DRAXIN: variants seen among roughly 807,000 people sequenced by gnomAD.
The protein encoded by DRAXIN is dorsal inhibitory axon guidance protein, also known as dorsal repulsive axon guidance protein.
In DRAXIN, 27 loss-of-function variants were observed where a neutral mutation model predicts 33.9. The observed-to-expected ratio is 0.80, with a 90% confidence interval of 0.59 to 1.10. DRAXIN has a LOEUF of 1.10. Ranked by LOEUF, DRAXIN falls within the 50% of genes least tolerant of loss-of-function variation. The pLI is 0.00. For missense variants in DRAXIN, 371 were observed against 460.8 expected (o/e 0.81, Z 1.78); for synonymous variants, 178 against 194.0 (o/e 0.92, Z 0.69).
chr1:11,699,501 A>T lies in DRAXIN; in HGVS notation c.-10-6748A>T, dbSNP rs569362125. ...ACTTATTTTAATTTTTGTTAAAAAA[A>T]TTTTTTTTTAGAGACAGGGACTTAC... On this transcript the variant is annotated intron_variant, in intron 1 of 6. Transcript: ENST00000294485. Among the ~76,000 whole-genome samples the T allele has an allele frequency of 3.8e-4, 58 of 151,672 alleles. 2 individuals are homozygous for T. The highest frequency in any genetic ancestry group is 9.9e-4 in the African/African-American group (41 of 41,332).
In DRAXIN at chr1:11,725,817, TGCTCTTGA is replaced by T. The variant is rs568923636; in HGVS notation, c.*6125_*6132del. The T allele has an allele frequency of 1.2e-4, 19 of 152,334 alleles. No homozygotes were observed. In the East Asian group the frequency reaches 3.7e-3, roughly 29 times the overall value. 9.4% of individuals were successfully genotyped at this position (152,334 alleles called of 1,614,324 possible). ...TAGTTTCATGATGTCATGTTGCATGTGCTCTTGAGCTGTAAATAAAGAGACGATGGTTA... is the reference window on the plus strand; with the variant it reads ...TAGTTTCATGATGTCATGTTGCATGTGCTGTAAATAAAGAGACGATGGTTA... On this transcript the variant is annotated 3_prime_UTR_variant, in exon 7 of 7. Transcript: ENST00000294485.
intron 1 of DRAXIN, among the ~76,000 whole-genome samples, chr1:11,701,675 C>T (rs1276938765): frequency 6.6e-6 from 1 of 152,182 alleles, no homozygotes; most frequent in African/African-American, 2.4e-5. Context: ...GAGGAGCAGA[C>T]CCTGGGCCAG....
chr1:11,703,729 C>T (rs1641336582), intron 1 of DRAXIN, among the ~76,000 whole-genome samples: 1 of 152,138 alleles, frequency 6.6e-6, no homozygotes, highest in Non-Finnish European at 1.5e-5. Flanking sequence ...CTTCCTCTGT[C>T]CCAGGCTGGC....
intron 5 of DRAXIN, 69 bp downstream of exon 5, chr1:11,712,498 G>T: frequency 6.7e-7 from 1 of 1,490,192 alleles, no homozygotes; most frequent in Non-Finnish European, 9.4e-7. Context: ...GGGAGTGGGG[G>T]TTCCCACATG....
rs746758417 is a variant in DRAXIN at position 11,706,884 on chromosome 1, G to T, written c.451+175G>T. 6.6e-6 allele frequency among the ~76,000 whole-genome samples: 1 copy of T among 152,114 alleles called. No homozygotes were observed. Among genetic ancestry groups the T allele is most frequent in the Non-Finnish European group, 1.5e-5 (1 of 68,018 alleles). On this transcript the variant is annotated intron_variant, in intron 2 of 6. Transcript: ENST00000294485. The surrounding 1 kb of genome is among the most constrained non-coding windows in gnomAD (Gnocchi z 5.5). Reference sequence around the variant, plus strand: ...AGGCTGGGAGAGGCCTGGGGTTGGGGCATGGGAAGAGGAGAGGGATGTGTT... The same window carrying T: ...AGGCTGGGAGAGGCCTGGGGTTGGGTCATGGGAAGAGGAGAGGGATGTGTT...
rs147024006 is a variant in DRAXIN, at chr1:11,716,579, C to T, written c.937+1371C>T. Among the ~76,000 whole-genome samples, 231 of 152,344 alleles carry T rather than the reference C, an allele frequency of 1.5e-3. 1 individual carries two copies. In the Middle Eastern group the frequency reaches 0.017, roughly 11 times the overall value. ...GTTATCTACCATGATCGTGCCACTG[C>T]ACTCCGGCCTGGATGATGGAGCGAG... On this transcript the variant is annotated intron_variant, in intron 6 of 6. Transcript: ENST00000294485.
In DRAXIN at chr1:11,704,665, G is replaced by A; in HGVS notation, c.-10-1584G>A. On this transcript the variant is annotated intron_variant, in intron 1 of 6. Coordinates refer to ENST00000294485, the MANE Select transcript of DRAXIN (RefSeq NM_198545.4). The surrounding 1 kb of genome is among the most constrained non-coding windows in gnomAD (Gnocchi z 4.6). ...AGGAATGGATGCAGGTGTGATGGGA[G>A]ACAGGGTTGTCACAACAAGCCTGTC... 6.6e-6 allele frequency among the ~76,000 whole-genome samples: 1 copy of A among 152,194 alleles called. No individual in the cohort carries two copies. The highest frequency in any genetic ancestry group is 2.1e-4 in the South Asian group (1 of 4,830).
Position 11,705,209 on chromosome 1 carries a change from G to C in DRAXIN, c.-10-1040G>C, listed in dbSNP as rs888286581. ...TCGGGAGGCCATAAAAATTCAATTA[G>C]CCTGGCTAACCTAGTGCCTAGCTCC... On this transcript the variant is annotated intron_variant, in intron 1 of 6. Coordinates refer to ENST00000294485, the MANE Select transcript of DRAXIN (RefSeq NM_198545.4). This position sits in a 1 kb window ranked among gnomAD's most constrained non-coding sequence, Gnocchi z 4.8. Among the ~76,000 whole-genome samples the C allele has an allele frequency of 6.6e-6, 1 of 152,190 alleles. No homozygotes were observed. The highest frequency in any genetic ancestry group is 2.4e-5 in the African/African-American group (1 of 41,430).
chr1:11,692,530 C>T lies in DRAXIN; in HGVS notation c.-11+677C>T, dbSNP rs1173711352. ...GGTCTCCCGCTCTGTCCCTCCTGCT[C>T]CCCACCGCCGGCTTTTGGCTTTTCT... On this transcript the variant is annotated intron_variant, in intron 1 of 6. Coordinates refer to ENST00000294485, the MANE Select transcript of DRAXIN (RefSeq NM_198545.4). The surrounding 1 kb of genome is among the most constrained non-coding windows in gnomAD (Gnocchi z 5.8). Among the ~76,000 whole-genome samples the T allele has an allele frequency of 1.3e-5, 2 of 152,176 alleles. No individual in the cohort carries two copies. Among genetic ancestry groups the T allele is most frequent in the African/African-American group, 2.4e-5 (1 of 41,440 alleles).
chr1:11,695,224 C>A (rs1641172292), intron 1 of DRAXIN, among the ~76,000 whole-genome samples: 1 of 152,128 alleles, frequency 6.6e-6, no homozygotes, highest in Non-Finnish European at 1.5e-5. Flanking sequence ...TTAGGCAAGT[C>A]CCTTGGTCAT....
intron 1 of DRAXIN, among the ~76,000 whole-genome samples, chr1:11,697,655 G>T (rs961092462): frequency 4.6e-5 from 7 of 152,168 alleles, no homozygotes; most frequent in African/African-American, 1.7e-4. Context: ...ACTGGAGCAG[G>T]TGCCCTTGTC....
chr1:11,686,770 C>T (rs1024392742), upstream of DRAXIN, among the ~76,000 whole-genome samples: 3 of 106,742 alleles, frequency 2.8e-5, no homozygotes, highest in African/African-American at 1.1e-4. Flanking sequence ...TCCTGGGCCA[C>T]AAGGTAAGAA....
chr1:11,690,703 G>A (rs9430614), upstream of DRAXIN, among the ~76,000 whole-genome samples: 29,137 of 152,118 alleles, frequency 0.19, 4,904 homozygotes, highest in African/African-American at 0.46. This position sits in a 1 kb window ranked among gnomAD's most constrained non-coding sequence, Gnocchi z 4.2. Flanking sequence ...CGGCCCCATC[G>A]CTCTTTGATC....
In DRAXIN at chr1:11,692,071, G is replaced by T. The variant is rs1641080176; in HGVS notation, c.-11+218G>T. On this transcript the variant is annotated intron_variant, in intron 1 of 6. Coordinates refer to ENST00000294485, the MANE Select transcript of DRAXIN (RefSeq NM_198545.4). This position sits in a 1 kb window ranked among gnomAD's most constrained non-coding sequence, Gnocchi z 5.8. ...TCGCCGCGTCTGCCCACGGACCCTG[G>T]CTCTGCTCCCGGGCTCCCCATCCGT... Among the ~76,000 whole-genome samples the T allele has an allele frequency of 6.6e-6, 1 of 152,050 alleles. No homozygotes were observed. Among genetic ancestry groups the T allele is most frequent in the African/African-American group, 2.4e-5 (1 of 41,426 alleles).
upstream of DRAXIN, among the ~76,000 whole-genome samples, chr1:11,690,325 TCTC>T (rs1386370305): frequency 2.6e-5 from 4 of 152,112 alleles, no homozygotes; most frequent in African/African-American, 9.7e-5. The surrounding 1 kb of genome is among the most constrained non-coding windows in gnomAD (Gnocchi z 4.2). Context: ...AGTTCAGTGT[TCTC>T]ATCAATCCAT....
At chr1:11,711,011 G>T (rs1570316663) in intron 3 of DRAXIN, among the ~76,000 whole-genome samples, 1 of 151,442 alleles carries the variant, frequency 6.6e-6, no homozygotes, top group Non-Finnish European at 1.5e-5. Context: ...AAATAGGCCA[G>T]GTGCAGTGGG....
At chr1:11,709,134 G>A in intron 2 of DRAXIN, 141 bp from the exon 3 acceptor site, 3 of 840,152 alleles carry the variant, frequency 3.6e-6, no homozygotes, top group South Asian at 4.2e-5. Context: ...AGGGTAGGAA[G>A]CAGGAATGGG....
At position 11,707,978 on chromosome 1, in the gene DRAXIN, A is replaced by G. The variant is rs147178006; in HGVS notation, c.451+1269A>G. 5.1e-3 allele frequency among the ~76,000 whole-genome samples: 774 copies of G among 152,286 alleles called. 4 individuals are homozygous for G. The highest frequency in any genetic ancestry group is 0.018 in the African/African-American group (740 of 41,560). On this transcript the variant is annotated intron_variant, in intron 2 of 6. Transcript: ENST00000294485. Reference sequence around the variant, plus strand: ...AGCAGGGTTCTTTGGCAGGAAGGCAATGGAGCTTCAACACCCCTTCTCGTG... The same window carrying G: ...AGCAGGGTTCTTTGGCAGGAAGGCAGTGGAGCTTCAACACCCCTTCTCGTG...
At chr1:11,718,315 C>CAAAAAAAA (rs759545157) in intron 6 of DRAXIN, among the ~76,000 whole-genome samples, 1 of 93,918 alleles carries the variant, frequency 1.1e-5, no homozygotes, top group Non-Finnish European at 2.0e-5. Flanking sequence ...AACTCCATCT[C>CAAAAAAAA]AAAAAAAAAA....
Sources: gnomAD v4.1 joint callset for allele counts (sites outside exome capture counted in the v4.1 genomes callset) on GRCh38, gnomAD v4.1.1 for gene constraint, Gnocchi (gnomAD v3.1) non-coding constraint, MANE v1.5 for transcripts, NCBI Gene and HGNC (gene_info 2026-07-23, HGNC 2026-07-21) for gene names.